USP47: variants seen among roughly 807,000 people sequenced by gnomAD.
The protein encoded by USP47 is ubiquitin carboxyl-terminal hydrolase 47.
A neutral mutation model predicts 165.1 loss-of-function variants in USP47; 35 were observed. The observed-to-expected ratio is 0.21, with a 90% confidence interval of 0.16 to 0.28. USP47 has a LOEUF of 0.28. Ranked by LOEUF, USP47 falls within the 10% of genes least tolerant of loss-of-function variation. The pLI, the probability that USP47 is intolerant of heterozygous loss-of-function variation, is 1.00. For missense variants in USP47, 1,277 were observed against 1,607.4 expected (o/e 0.79, Z 3.52); for synonymous variants, 531 against 544.5 (o/e 0.98, Z 0.35).
chr11:11,930,566 G>T, intron 13 of USP47, 130 bp from the exon 14 acceptor site: 1 of 706,326 alleles, frequency 1.4e-6, no homozygotes, highest in South Asian at 1.8e-5. Flanking sequence ...AAATCTCAGT[G>T]TGTCTGTGAA....
At chr11:11,943,944 TA>T in intron 20 of USP47, 1 of 152,082 alleles carries the variant, frequency 6.6e-6, no homozygotes, top group African/African-American at 2.4e-5. Context: ...TGTTCTCATT[TA>T]AAGCTTCTCC....
At chr11:11,909,517 A>G (rs1294213640) in intron 8 of USP47, among the ~76,000 whole-genome samples, 4 of 152,212 alleles carry the variant, frequency 2.6e-5, no homozygotes, top group African/African-American at 4.8e-5. Context: ...CATGTTTGAC[A>G]TTATCTAAGG....
intron 12 of USP47, 81 bp downstream of exon 12, chr11:11,929,646 A>G (rs1265750494): frequency 5.8e-6 from 9 of 1,544,962 alleles, no homozygotes; most frequent in Admixed American, 1.9e-5. Flanking sequence ...TTTATTAAGA[A>G]TGAGTGAATC....
chr11:11,955,898 C>A, intron 27 of USP47, 103 bp from the exon 28 acceptor site: 1 of 928,042 alleles, frequency 1.1e-6, no homozygotes, highest in Non-Finnish European at 1.6e-6. Context: ...TCACCAGTAA[C>A]AGATTTCATT....
intron 18 of USP47, 148 bp from the exon 19 acceptor site, chr11:11,940,278 AATT>A (rs1855375052): frequency 4.2e-6 from 3 of 711,766 alleles, no homozygotes; most frequent in Non-Finnish European, 4.1e-6. Context: ...TTTTCCCTTC[AATT>A]ATTCAAAAAT....
chr11:11,943,893 A>C (rs1428939857), intron 20 of USP47: 1 of 151,760 alleles, frequency 6.6e-6, no homozygotes, highest in East Asian at 1.9e-4. Context: ...TATTAATATT[A>C]CTCCTTATAT....
chr11:11,891,390 AGAATATGCTCTCT>A (rs1468573890), intron 3 of USP47, among the ~76,000 whole-genome samples: 2 of 152,264 alleles, frequency 1.3e-5, no homozygotes, highest in Admixed American at 1.3e-4. Context: ...AAGCAGTAAC[AGAATATGCTCTCT>A]GATCTTCATT....
intron 16 of USP47, among the ~76,000 whole-genome samples, chr11:11,935,856 C>G (rs1855023817): frequency 6.6e-6 from 1 of 151,944 alleles, no homozygotes; most frequent in Admixed American, 6.6e-5. Context: ...ACATGCTGTC[C>G]TCCTGTACTT....
chr11:11,911,997 C>T (rs550728964), intron 8 of USP47, among the ~76,000 whole-genome samples: 2 of 151,748 alleles, frequency 1.3e-5, no homozygotes, highest in East Asian at 3.9e-4. Context: ...GAGGAAGTCT[C>T]AAGGGAAATT....
intron 14 of USP47, 136 bp from the exon 15 acceptor site, chr11:11,932,868 A>T: frequency 4.8e-6 from 3 of 627,558 alleles, no homozygotes; most frequent in Middle Eastern, 4.5e-4. Flanking sequence ...TTCCAAGTTG[A>T]GAGAAGGATG....
chr11:11,879,466 T>A (rs1041302947), intron 1 of USP47, among the ~76,000 whole-genome samples: 3 of 152,138 alleles, frequency 2.0e-5, no homozygotes, highest in African/African-American at 7.2e-5. Flanking sequence ...CTTTAACAGC[T>A]TGAGGGAGGG....
intron 1 of USP47, among the ~76,000 whole-genome samples, chr11:11,848,288 G>A (rs1175641560): frequency 6.6e-6 from 1 of 152,196 alleles, no homozygotes; most frequent in African/African-American, 2.4e-5. Context: ...GGTTTAGCCT[G>A]CTACACACCT....
At chr11:11,934,707 C>T (rs574235382) in intron 16 of USP47, among the ~76,000 whole-genome samples, 18 of 152,124 alleles carry the variant, frequency 1.2e-4, no homozygotes, top group African/African-American at 4.1e-4. Context: ...TAGAAGTTTA[C>T]GTTTTGTTCT....
At chr11:11,851,944 G>A (rs575006598) in intron 1 of USP47, among the ~76,000 whole-genome samples, 22 of 152,242 alleles carry the variant, frequency 1.4e-4, no homozygotes, top group Admixed American at 6.5e-4. Context: ...ATGCTGATAC[G>A]TACTACTGGT....
At chr11:11,845,311 CTTCTGTT>C (rs1848365495) in intron 1 of USP47, among the ~76,000 whole-genome samples, 1 of 152,128 alleles carries the variant, frequency 6.6e-6, no homozygotes, top group Admixed American at 6.6e-5. Flanking sequence ...TTGCATTTCA[CTTCTGTT>C]TGTGCTGCCC....
intron 1 of USP47, among the ~76,000 whole-genome samples, chr11:11,878,151 T>C (rs951817809): frequency 1.3e-5 from 2 of 152,158 alleles, no homozygotes; most frequent in African/African-American, 4.8e-5. Context: ...GCTTGGACCC[T>C]GCATTCACAT....
chr11:11,892,380 CTTTTT>C (rs1300802562), intron 4 of USP47, among the ~76,000 whole-genome samples: 1 of 121,148 alleles, frequency 8.3e-6, no homozygotes, highest in African/African-American at 3.2e-5. Flanking sequence ...TTTTAATTTT[CTTTTT>C]TTTTTTTTTT....
intron 19 of USP47, among the ~76,000 whole-genome samples, chr11:11,941,437 A>G (rs1341038173): frequency 6.6e-6 from 1 of 152,072 alleles, no homozygotes. Context: ...GCAAAACCCA[A>G]CATGCTATTT....
intron 8 of USP47, among the ~76,000 whole-genome samples, chr11:11,910,135 A>T (rs1226173622): frequency 1.3e-5 from 2 of 152,202 alleles, no homozygotes; most frequent in African/African-American, 4.8e-5. Context: ...GAGTAGATGT[A>T]CATTGCCCTA....
Sources: gnomAD v4.1 joint callset for allele counts (sites outside exome capture counted in the v4.1 genomes callset) on GRCh38, gnomAD v4.1.1 for gene constraint, MANE v1.5 for transcripts, NCBI Gene and HGNC (gene_info 2026-07-23, HGNC 2026-07-21) for gene names.